The following SKIC3 variants were observed in gnomAD, a reference collection of about 807,000 sequenced individuals.
SKIC3 encodes the protein superkiller complex protein 3.
the SKIC3 span, among the ~76,000 whole-genome samples, chr5:95,471,415 C>T: frequency 6.6e-6 from 1 of 152,136 alleles, no homozygotes; most frequent in Non-Finnish European, 1.5e-5. Flanking sequence ...TTTCCCACTA[C>T]CTGTTCAACA....
At chr5:95,517,039 T>G in the SKIC3 span, 7 of 1,613,644 alleles carry the variant, frequency 4.3e-6, no homozygotes, top group South Asian at 7.7e-5. Flanking sequence ...TAGACATCAG[T>G]TTTAATGCAC....
the SKIC3 span, chr5:95,516,341 C>A: frequency 1.9e-6 from 3 of 1,612,318 alleles, no homozygotes; most frequent in South Asian, 1.1e-5. Flanking sequence ...GACAGACAGG[C>A]AACATATTTA....
At chr5:95,521,841 C>T in the SKIC3 span, among the ~76,000 whole-genome samples, 3 of 152,162 alleles carry the variant, frequency 2.0e-5, no homozygotes, top group South Asian at 6.2e-4. Flanking sequence ...AGTTAAATCT[C>T]TGTCACATTA....
the SKIC3 span, chr5:95,495,060 T>G: frequency 6.2e-7 from 1 of 1,601,102 alleles, no homozygotes. Context: ...TGCAGAAACT[T>G]TCATGAAAAA....
chr5:95,512,540 G>T, the SKIC3 span: 1 of 1,613,954 alleles, frequency 6.2e-7, no homozygotes, highest in Admixed American at 1.7e-5. Flanking sequence ...ATGTTGTACT[G>T]GTACAGCTCT....
At chr5:95,483,262 A>T in the SKIC3 span, among the ~76,000 whole-genome samples, 13 of 152,232 alleles carry the variant, frequency 8.5e-5, 1 homozygote, top group East Asian at 2.5e-3. Context: ...TTCTGTAAAC[A>T]AGTCCTCCCA....
the SKIC3 span, among the ~76,000 whole-genome samples, chr5:95,517,939 G>T: frequency 6.6e-6 from 1 of 151,822 alleles, no homozygotes; most frequent in African/African-American, 2.4e-5. Context: ...TGATAAAAGG[G>T]TAGGTTCAGT....
At chr5:95,467,315 A>G in the SKIC3 span, among the ~76,000 whole-genome samples, 1 of 152,206 alleles carries the variant, frequency 6.6e-6, no homozygotes, top group Admixed American at 6.5e-5. Flanking sequence ...TGAAAATAAA[A>G]AAGTAAAACC....
At chr5:95,549,418 T>C in the SKIC3 span, among the ~76,000 whole-genome samples, 8 of 152,052 alleles carry the variant, frequency 5.3e-5, no homozygotes, top group Admixed American at 4.6e-4. Flanking sequence ...AGGAAGCCAT[T>C]AGTAATTTTT....
At chr5:95,502,814 C>A in the SKIC3 span, 1 of 1,599,114 alleles carries the variant, frequency 6.3e-7, no homozygotes, top group Non-Finnish European at 8.5e-7. Flanking sequence ...CTTACGCTTT[C>A]TCCAATTCTC....
chr5:95,523,919 T>G, the SKIC3 span: 1,172 of 1,330,336 alleles, frequency 8.8e-4, 8 homozygotes, highest in Middle Eastern at 8.2e-3. Context: ...AATACACAGA[T>G]TAAAGAAAAA....
chr5:95,475,869 C>T, the SKIC3 span, among the ~76,000 whole-genome samples: 3 of 152,190 alleles, frequency 2.0e-5, no homozygotes, highest in African/African-American at 7.2e-5. Context: ...TAGGCTAACA[C>T]TTAGCCACAT....
At chr5:95,470,280 C>T in the SKIC3 span, among the ~76,000 whole-genome samples, 4 of 151,958 alleles carry the variant, frequency 2.6e-5, no homozygotes, top group African/African-American at 9.7e-5. Flanking sequence ...GCCCGGCCAA[C>T]AATTCAATTC....
chr5:95,521,966 T>C, the SKIC3 span: 2 of 1,556,792 alleles, frequency 1.3e-6, no homozygotes, highest in East Asian at 4.5e-5. Context: ...CCTTTTCAAG[T>C]TATTCAATAC....
the SKIC3 span, among the ~76,000 whole-genome samples, chr5:95,483,161 A>G: frequency 6.6e-6 from 1 of 152,118 alleles, no homozygotes; most frequent in Admixed American, 6.6e-5. Flanking sequence ...TACTGTTTCT[A>G]TCTTAAAATA....
chr5:95,494,873 T>C, the SKIC3 span: 4 of 1,593,168 alleles, frequency 2.5e-6, no homozygotes, highest in African/African-American at 2.7e-5. Flanking sequence ...CTATTTGATA[T>C]GACATAATCC....
the SKIC3 span, among the ~76,000 whole-genome samples, chr5:95,511,134 G>A: frequency 6.6e-6 from 1 of 152,208 alleles, no homozygotes; most frequent in Non-Finnish European, 1.5e-5. Context: ...ATGAGGGCCA[G>A]GCACAGTGGC....
chr5:95,514,100 A>T, the SKIC3 span, among the ~76,000 whole-genome samples: 1 of 152,142 alleles, frequency 6.6e-6, no homozygotes, highest in Admixed American at 6.5e-5. Context: ...TTGCTTCACC[A>T]ATTAACTAGA....
chr5:95,478,964 G>T, the SKIC3 span, among the ~76,000 whole-genome samples: 3 of 152,052 alleles, frequency 2.0e-5, no homozygotes, highest in South Asian at 2.1e-4. Flanking sequence ...AGACAAGAAT[G>T]TTTACTTATC....
Sources: allele counts gnomAD v4.1 joint callset (sites outside exome capture counted in the v4.1 genomes callset), GRCh38; gene constraint gnomAD v4.1.1; transcripts MANE v1.5; gene names NCBI Gene and HGNC (gene_info 2026-07-23, HGNC 2026-07-21).